SH2B2: variants seen among roughly 807,000 people sequenced by gnomAD.
SH2B2 encodes the protein SH2B adapter protein 2.
A neutral mutation model predicts 35.7 loss-of-function variants in SH2B2; 37 were observed. That is an observed-to-expected ratio of 1.04 (90% CI 0.80 to 1.36). The LOEUF is 1.36. Among genes scored for constraint, SH2B2 ranks in the 40% most tolerant of loss-of-function variants. The probability of loss-of-function intolerance (pLI) is 0.00; values close to 1 mark genes in which losing one functional copy is unlikely to be tolerated. For missense variants in SH2B2, 852 were observed against 817.7 expected (o/e 1.04, Z -0.51); for synonymous variants, 383 against 376.4 (o/e 1.02, Z -0.20).
rs782141815 is a variant in SH2B2 at position 102,317,405 on chromosome 7, T to TG, written c.1395+16dup. 20 of 1,554,786 alleles carry TG rather than the reference T, an allele frequency of 1.3e-5. No individual in the cohort carries two copies. Among genetic ancestry groups the TG allele is most frequent in the Admixed American group, 1.8e-5 (1 of 56,318 alleles). On this transcript the variant is annotated intron_variant, in intron 7 of 8. Coordinates refer to ENST00000444095, the MANE Select transcript of SH2B2 (RefSeq NM_001359228.2). ...CCAGGGCAAGGCCAAGGCAAGTGTGTGGGGGGCGCCATGGGGGTGCAGTGG... is the reference window on the plus strand; with the variant it reads ...CCAGGGCAAGGCCAAGGCAAGTGTGTGGGGGGGCGCCATGGGGGTGCAGTGG...
chr7:102,319,683 A>G (rs560543448), intron 7 of SH2B2, among the ~76,000 whole-genome samples: 248 of 152,098 alleles, frequency 1.6e-3, no homozygotes, highest in African/African-American at 5.8e-3. Flanking sequence ...AGTGGGATAC[A>G]TGTTGAGCAA....
intron 1 of SH2B2, among the ~76,000 whole-genome samples, chr7:102,294,154 A>G (rs1792811788): frequency 6.6e-6 from 1 of 152,146 alleles, no homozygotes; most frequent in Non-Finnish European, 1.5e-5. Context: ...CAGTCCCCCA[A>G]GTACCTGGGA....
intron 6 of SH2B2, among the ~76,000 whole-genome samples, chr7:102,315,478 G>C (rs1025386824): frequency 6.6e-6 from 1 of 151,912 alleles, no homozygotes; most frequent in Admixed American, 6.6e-5. Context: ...ACTGGTGCCC[G>C]CCACCTCGCC....
At position 102,300,549 on chromosome 7, in the gene SH2B2, C is replaced by T. The variant is rs1244749330; in HGVS notation, c.-2C>T. 3 of 1,543,946 alleles carry T rather than the reference C, an allele frequency of 1.9e-6. No homozygotes were observed. The highest frequency in any genetic ancestry group is 2.7e-5 in the African/African-American group (2 of 72,964). ...GCAGGTGGCTGCGATGGGACGGAAG[C>T]CATGAATGGTGCCGGCCCTGGCCCC... On this transcript the variant is annotated 5_prime_UTR_variant, in exon 2 of 9. Transcript: ENST00000444095.
Position 102,300,661 on chromosome 7 carries a change from C to A in SH2B2, c.111C>A (p.Asp37Glu). The change falls in exon 2 of 9, where the codon GAC becomes GAA. Residue 37 changes from aspartate (D) to glutamate (E), a missense_variant. Asp to Glu is a conservative substitution (Grantham distance 45, BLOSUM62 2). Transcript: ENST00000444095. ...TGCATGCGCAGGCGGCCGCCGTGGA[C>A]TTTGCGCACAAGTTCTGCCGTTTCC... ...CELHAQAAAV[D>E]FAHKFCRFLR... 1 of 1,549,398 alleles carries A rather than the reference C, an allele frequency of 6.5e-7. No homozygotes were observed. The highest frequency in any genetic ancestry group is 8.7e-7 in the Non-Finnish European group (1 of 1,144,962).
intron 1 of SH2B2, among the ~76,000 whole-genome samples, chr7:102,296,722 T>G (rs1453924320): frequency 6.6e-6 from 1 of 152,208 alleles, no homozygotes; most frequent in African/African-American, 2.4e-5. Flanking sequence ...TGAATGGGAA[T>G]TCTGGGGGAA....
rs1554558636 is a variant in SH2B2, at chr7:102,321,544, G to C, written c.1813G>C (p.Ala605Pro). The C allele has an allele frequency of 5.2e-6, 6 of 1,145,342 alleles. No individual in the cohort carries two copies. Among genetic ancestry groups the C allele is most frequent in the Non-Finnish European group, 6.4e-6 (6 of 933,838 alleles). 70.9% of individuals were successfully genotyped at this position (1,145,342 alleles called of 1,614,324 possible). ...CAACAGCGCCGAGCGCCTGCTGGAG[G>C]CCGTGGCCGCCACCGCCGCCGAGGA... is the stretch of plus-strand genomic sequence containing the variant. ...RSNSAERLLEAVAATAAEEPP... is the reference protein window; with the variant it reads ...RSNSAERLLEPVAATAAEEPP... Residue 605 changes from alanine to proline, a missense_variant, in exon 9 of 9, where the codon GCC becomes CCC. By Grantham distance (27) the Ala-to-Pro change is conservative. Transcript: ENST00000444095.
chr7:102,299,145 C>T lies in SH2B2; in HGVS notation c.-29-1377C>T, dbSNP rs371816938. The stretch of plus-strand genomic sequence containing the variant: ...CGATCTCCTGACTTCGTGATGCGCC[C>T]GCCTCGGCCTCCCAAAGTGCTGGGA... On this transcript the variant is annotated intron_variant, in intron 1 of 8. Coordinates refer to ENST00000444095, the MANE Select transcript of SH2B2 (RefSeq NM_001359228.2). 4.8e-5 allele frequency among the ~76,000 whole-genome samples: 7 copies of T among 144,996 alleles called. No individual in the cohort carries two copies. The East Asian group carries it at 6.0e-4, about 12-fold the overall frequency.
chr7:102,306,959 G>A (rs952973191), intron 3 of SH2B2, 137 bp downstream of exon 3: 2 of 693,480 alleles, frequency 2.9e-6, no homozygotes, highest in Non-Finnish European at 5.1e-6. Flanking sequence ...TGGTGTGGGG[G>A]GTTCCCAGAC....
rs1438943573 is a variant in SH2B2 at position 102,297,177 on chromosome 7, GA to G, written c.-29-3344del. Among the ~76,000 whole-genome samples, 2 of 152,234 alleles carry G rather than the reference GA, an allele frequency of 1.3e-5. No individual in the cohort carries two copies. Among genetic ancestry groups the G allele is most frequent in the Admixed American group, 6.5e-5 (1 of 15,288 alleles). On this transcript the variant is annotated intron_variant, in intron 1 of 8. Coordinates refer to ENST00000444095, the MANE Select transcript of SH2B2 (RefSeq NM_001359228.2). The surrounding 1 kb of genome is among the most constrained non-coding windows in gnomAD (Gnocchi z 4.3). Reference sequence around the variant, plus strand: ...CAAACCATCCCGCTGTTCTGCCTGGGATGTGAATTATCCCTTTGTCTGGCAT... The same window carrying G: ...CAAACCATCCCGCTGTTCTGCCTGGGTGTGAATTATCCCTTTGTCTGGCAT...
At chr7:102,316,778 G>A (rs1008741363) in intron 6 of SH2B2, among the ~76,000 whole-genome samples, 17 of 152,120 alleles carry the variant, frequency 1.1e-4, no homozygotes, top group African/African-American at 3.1e-4. Context: ...CAGCACTTTG[G>A]GAGGCCGAGG....
intron 1 of SH2B2, among the ~76,000 whole-genome samples, chr7:102,290,032 C>T (rs1792612264): frequency 6.6e-6 from 1 of 152,034 alleles, no homozygotes; most frequent in Non-Finnish European, 1.5e-5. Context: ...GGCCCCCACT[C>T]CCTGCTTATC....
At chr7:102,289,789 T>G (rs1429161252) in intron 1 of SH2B2, among the ~76,000 whole-genome samples, 39 of 115,194 alleles carry the variant, frequency 3.4e-4, no homozygotes, top group East Asian at 1.2e-3. Flanking sequence ...ACTGGGGGAG[T>G]GGAAGGGGCT....
chr7:102,285,304 A>C (rs1554550687), upstream of SH2B2: 1 of 1,369,712 alleles, frequency 7.3e-7, no homozygotes, highest in Non-Finnish European at 1.0e-6. Context: ...AGGAGGGTGG[A>C]GACCACAACC....
At chr7:102,286,840 G>T (rs1341111161), upstream of SH2B2, 1 of 38,942 alleles carries the variant, frequency 2.6e-5, no homozygotes, top group Non-Finnish European at 5.1e-5. Context: ...GCGGGGCCGG[G>T]AGGCGCGCGC....
At position 102,306,825 on chromosome 7, in the gene SH2B2, G is replaced by C; in HGVS notation, c.831+3G>C. ...AGGATAACACATTCGTCCTCAAGGT[G>C]AGGTCTCACCCCTAACCTCAGAGAT... is the stretch of plus-strand genomic sequence containing the variant. On this transcript the variant is annotated splice_donor_region_variant and intron_variant, in intron 3 of 8. Transcript: ENST00000444095. 6.4e-7 allele frequency: 1 copy of C among 1,569,988 alleles called. No individual in the cohort carries two copies. Among genetic ancestry groups the C allele is most frequent in the East Asian group, 2.4e-5 (1 of 42,320 alleles).
At chr7:102,320,764 T>C (rs574714568) in intron 8 of SH2B2, among the ~76,000 whole-genome samples, 116 of 148,850 alleles carry the variant, frequency 7.8e-4, no homozygotes, top group African/African-American at 2.8e-3. Flanking sequence ...TGCAGGTGGG[T>C]GTATGGGGGT....
chr7:102,301,537 CGTGTGTGTGTGTGTGTGTGTCCGT>C (rs1326531122), intron 2 of SH2B2, among the ~76,000 whole-genome samples: 11 of 148,108 alleles, frequency 7.4e-5, no homozygotes, highest in Admixed American at 4.7e-4. Context: ...TTTTTCTTTT[CGTGTGTGTGTGTGTGTGTGTCCGT>C]GTGTGTGTGT....
intron 1 of SH2B2, among the ~76,000 whole-genome samples, chr7:102,290,455 G>A (rs1554551611): frequency 6.6e-6 from 1 of 152,048 alleles, no homozygotes; most frequent in African/African-American, 2.4e-5. Context: ...AGTAGAGATG[G>A]GGTTTCACCG....
Sources: allele counts gnomAD v4.1 joint callset (sites outside exome capture counted in the v4.1 genomes callset), GRCh38; gene constraint gnomAD v4.1.1; non-coding constraint Gnocchi (gnomAD v3.1); transcripts MANE v1.5; gene names NCBI Gene and HGNC (gene_info 2026-07-23, HGNC 2026-07-21).